Variants in TTC3 observed in about 807,000 individuals in gnomAD.
TTC3 encodes the protein tetratricopeptide repeat domain 3.
TTC3 carries 180 observed loss-of-function variants against 249.6 expected under a neutral mutation model. That is an observed-to-expected ratio of 0.72 (90% CI 0.64 to 0.82). The LOEUF (loss-of-function observed/expected upper bound fraction) is 0.82. Among genes scored for constraint, TTC3 ranks in the 40% least tolerant of loss-of-function variants. The pLI, the probability that TTC3 is intolerant of heterozygous loss-of-function variation, is 0.00. For missense variants in TTC3, 2,061 were observed against 2,398.4 expected (o/e 0.86, Z 2.94); for synonymous variants, 717 against 805.0 (o/e 0.89, Z 1.85).
chr21:37,138,887 A>G (rs1349997941), intron 19 of TTC3, among the ~76,000 whole-genome samples, 173 bp downstream of exon 19: 4 of 152,212 alleles, frequency 2.6e-5, no homozygotes, highest in African/African-American at 9.6e-5. Flanking sequence ...CCTATTAGAA[A>G]AAGGCTTTGC....
At chr21:37,154,753 C>A (rs556520251) in intron 27 of TTC3, among the ~76,000 whole-genome samples, 1 of 151,946 alleles carries the variant, frequency 6.6e-6, no homozygotes, top group African/African-American at 2.4e-5. Context: ...TGGAGTGCAG[C>A]GGCGCGATCT....
chr21:37,185,451 G>A lies in TTC3; in HGVS notation c.4758-255G>A, dbSNP rs1180973688. On this transcript the variant is annotated intron_variant, in intron 36 of 45. Transcript: ENST00000355666. ...CTGCTTGAGCTGCACATCTTAGACT[G>A]AGATAGGGTGATTTACCTGTAAGCA... 2.0e-5 allele frequency among the ~76,000 whole-genome samples: 3 copies of A among 152,134 alleles called. No individual in the cohort carries two copies. In the East Asian group the frequency reaches 5.8e-4, roughly 29 times the overall value.
chr21:37,129,525 G>C (rs550951401), intron 16 of TTC3, among the ~76,000 whole-genome samples: 1 of 152,190 alleles, frequency 6.6e-6, no homozygotes, highest in Admixed American at 6.5e-5. Context: ...GCCCTTTTGA[G>C]TAATTATTGT....
At position 37,082,460 on chromosome 21, in the gene TTC3, G is replaced by C. The variant is rs1007352686; in HGVS notation, c.-11-4787G>C. On this transcript the variant is annotated intron_variant, in intron 1 of 45. Coordinates refer to ENST00000355666, the Ensembl canonical transcript of TTC3. The stretch of plus-strand genomic sequence containing the variant: ...TTGAGAGTCTAATTTGAGGATGCTT[G>C]CTTTCTGAAAGCATTTCTATCAGCT... 4 of 984,596 alleles carry C rather than the reference G, an allele frequency of 4.1e-6. No individual in the cohort carries two copies. In the African/African-American group the frequency reaches 7.0e-5, roughly 17 times the overall value. The allele number at this position is 984,596 out of a possible 1,614,324, so 61.0% of individuals were successfully genotyped here. A position where few individuals can be genotyped will look rare whatever the true frequency, so the allele number is the denominator to read the frequency against.
chr21:37,199,286 G>C (rs770748775), intron 44 of TTC3, among the ~76,000 whole-genome samples: 5 of 152,240 alleles, frequency 3.3e-5, no homozygotes, highest in Non-Finnish European at 7.3e-5. Flanking sequence ...GTTTGAGCTA[G>C]GTTTTCTGCC....
intron 35 of TTC3, 127 bp from the exon 36 acceptor site, chr21:37,182,647 G>T: frequency 1.0e-6 from 1 of 973,156 alleles, no homozygotes; most frequent in Non-Finnish European, 1.4e-6. Flanking sequence ...GCGCCAGCTT[G>T]GGAGTGTGTT....
At chr21:37,179,514 G>GT (rs2082562658) in intron 35 of TTC3, among the ~76,000 whole-genome samples, 1 of 152,112 alleles carries the variant, frequency 6.6e-6, no homozygotes, top group African/African-American at 2.4e-5. Flanking sequence ...TGTGCCTTTG[G>GT]TGTCATAGCT....
At chr21:37,088,039 G>A in intron 3 of TTC3, 157 bp from the exon 4 acceptor site, 1 of 928,334 alleles carries the variant, frequency 1.1e-6, no homozygotes, top group South Asian at 2.0e-5. Flanking sequence ...TAGAGTTTTT[G>A]CCAGCACTTA....
intron 28 of TTC3, chr21:37,157,143 AT>A (rs773056836): frequency 4.8e-5 from 68 of 1,429,332 alleles, no homozygotes; most frequent in Non-Finnish European, 5.8e-5. Context: ...ACAATACACA[AT>A]GTTCTTCCCG....
intron 34 of TTC3, among the ~76,000 whole-genome samples, chr21:37,172,269 C>T (rs977443145): frequency 3.9e-5 from 6 of 152,086 alleles, no homozygotes; most frequent in Admixed American, 2.0e-4. Flanking sequence ...AATAAATAAT[C>T]GTTGGTGTTA....
intron 10 of TTC3, among the ~76,000 whole-genome samples, chr21:37,106,399 A>G (rs1027609217): frequency 2.6e-5 from 4 of 152,196 alleles, no homozygotes; most frequent in Admixed American, 2.0e-4. Context: ...CAAGTTACTA[A>G]TTTTAATGTA....
chr21:37,174,991 C>G (rs948059956), intron 35 of TTC3, among the ~76,000 whole-genome samples: 2 of 151,554 alleles, frequency 1.3e-5, no homozygotes, highest in Non-Finnish European at 2.9e-5. Context: ...CGCGGTGGCT[C>G]ACACCTGTAA....
chr21:37,170,487 A>G (rs1462505609), intron 34 of TTC3, among the ~76,000 whole-genome samples: 1 of 152,244 alleles, frequency 6.6e-6, no homozygotes, highest in Admixed American at 6.5e-5. Context: ...ATATGTATAG[A>G]GAGACCAGTG....
intron 28 of TTC3, among the ~76,000 whole-genome samples, chr21:37,159,172 C>T (rs1793880): frequency 1 from 152,298 of 152,298 alleles, 76,149 homozygotes; most frequent in Non-Finnish European, 1. Context: ...CTCCTGTCTT[C>T]ACTCACGTAG....
chr21:37,094,730 C>G (rs1292590784), intron 8 of TTC3, among the ~76,000 whole-genome samples: 1 of 152,060 alleles, frequency 6.6e-6, no homozygotes, highest in African/African-American at 2.4e-5. Flanking sequence ...GTGGGTCTGC[C>G]AAATACCGCA....
At chr21:37,190,479 T>C (rs530104772) in intron 39 of TTC3, among the ~76,000 whole-genome samples, 1 of 152,234 alleles carries the variant, frequency 6.6e-6, no homozygotes, top group East Asian at 1.9e-4. Flanking sequence ...AGAAAACTTT[T>C]CTGATTAAAA....
intron 21 of TTC3, among the ~76,000 whole-genome samples, chr21:37,145,614 G>A (rs1358890097): frequency 6.6e-6 from 1 of 152,196 alleles, no homozygotes; most frequent in Non-Finnish European, 1.5e-5. Context: ...CAGTCCATTT[G>A]TGTTGCTATA....
At chr21:37,108,356 G>A in intron 10 of TTC3, 36 bp from the exon 11 acceptor site, 1 of 1,578,026 alleles carries the variant, frequency 6.3e-7, no homozygotes, top group East Asian at 2.3e-5. Flanking sequence ...TACTATAAAA[G>A]AGTGAAAATT....
chr21:37,088,403 AC>A, intron 4 of TTC3, 57 bp downstream of exon 4: 1 of 1,547,518 alleles, frequency 6.5e-7, no homozygotes, highest in Non-Finnish European at 8.8e-7. Context: ...GTTACCCAAT[AC>A]CAAGAAATGC....
Sources: gnomAD v4.1 joint callset for allele counts (sites outside exome capture counted in the v4.1 genomes callset) on GRCh38, gnomAD v4.1.1 for gene constraint, MANE v1.5 for transcripts, NCBI Gene and HGNC (gene_info 2026-07-23, HGNC 2026-07-21) for gene names.